SHB: variants seen among roughly 807,000 people sequenced by gnomAD.
The protein encoded by SHB is SH2 domain containing adaptor protein B, also known as SH2 domain-containing adapter protein B.
A neutral mutation model predicts 52.3 loss-of-function variants in SHB; 20 were observed. That is an observed-to-expected ratio of 0.38 (90% CI 0.27 to 0.56). SHB has a LOEUF of 0.56. SHB is among the 20% of genes least tolerant of loss of function. The pLI is 0.71. For missense variants in SHB, 825 were observed against 723.3 expected, an observed-to-expected ratio of 1.14 and a Z score of -1.61; for synonymous variants, 397 against 316.5, an observed-to-expected ratio of 1.25 and a Z score of -2.70.
At position 38,021,771 on chromosome 9, in the gene SHB, G is replaced by A. The variant is rs573309948; in HGVS notation, c.718-5640C>T. ...TATTGCCCCATGGTCACCTTCATGT[G>A]CCCTGCTGTCTGTGGGACAGCACAG... On this transcript the variant is annotated intron_variant, in intron 1 of 5. Transcript: ENST00000377707. Among the ~76,000 whole-genome samples, 88 of 152,204 alleles carry A rather than the reference G, an allele frequency of 5.8e-4. 2 individuals are homozygous for A. Among genetic ancestry groups the A allele is most frequent in the Admixed American group, 5.4e-3 (83 of 15,304 alleles).
At chr9:37,924,443 T>A (rs1353151536) in intron 5 of SHB, among the ~76,000 whole-genome samples, 3 of 152,230 alleles carry the variant, frequency 2.0e-5, no homozygotes, top group African/African-American at 7.2e-5. Context: ...CTTTTCATGA[T>A]GAAATGACTT....
intron 4 of SHB, among the ~76,000 whole-genome samples, chr9:37,949,133 C>T (rs1327260285): frequency 1.3e-5 from 2 of 152,136 alleles, no homozygotes; most frequent in Admixed American, 6.5e-5. Context: ...AGGTGGCTCA[C>T]GCCTGTAATC....
At chr9:38,040,436 C>G (rs1009646395) in intron 1 of SHB, among the ~76,000 whole-genome samples, 7 of 152,184 alleles carry the variant, frequency 4.6e-5, no homozygotes, top group African/African-American at 1.7e-4. Context: ...AGACATGTGT[C>G]GGCACCCATG....
chr9:38,020,190 T>C (rs1821264758), intron 1 of SHB, among the ~76,000 whole-genome samples: 1 of 152,246 alleles, frequency 6.6e-6, no homozygotes, highest in Non-Finnish European at 1.5e-5. Flanking sequence ...AACCTATTCA[T>C]GTACTATGTG....
At chr9:37,949,253 C>A (rs374320696) in intron 4 of SHB, among the ~76,000 whole-genome samples, 1 of 151,618 alleles carries the variant, frequency 6.6e-6, no homozygotes, top group Admixed American at 6.6e-5. Context: ...ATTAGCCGGG[C>A]GTGGTGGTGG....
chr9:38,044,662 T>C (rs1821626350), intron 1 of SHB, among the ~76,000 whole-genome samples: 1 of 152,208 alleles, frequency 6.6e-6, no homozygotes, highest in South Asian at 2.1e-4. Flanking sequence ...AAGCCTAAAA[T>C]GTAGAGTCTT....
intron 1 of SHB, among the ~76,000 whole-genome samples, chr9:38,051,936 C>T (rs1290805458): frequency 1.3e-5 from 2 of 152,156 alleles, no homozygotes; most frequent in African/African-American, 4.8e-5. Flanking sequence ...TACTGTTTTT[C>T]GAAGAGCTTC....
chr9:38,067,761 G>A (rs564743605), intron 1 of SHB, among the ~76,000 whole-genome samples, 168 bp downstream of exon 1: 21 of 152,330 alleles, frequency 1.4e-4, no homozygotes, highest in African/African-American at 4.8e-4. Flanking sequence ...GCCGGTCCCA[G>A]GAAAAGGGCG....
At chr9:38,010,176 C>G (rs1236056955) in intron 2 of SHB, among the ~76,000 whole-genome samples, 1 of 152,176 alleles carries the variant, frequency 6.6e-6, no homozygotes, top group Non-Finnish European at 1.5e-5. Context: ...TCAGTATTCT[C>G]CTCTGTAAAA....
intron 1 of SHB, among the ~76,000 whole-genome samples, chr9:38,048,406 C>A (rs1821687353): frequency 6.6e-6 from 1 of 152,142 alleles, no homozygotes; most frequent in Admixed American, 6.5e-5. Flanking sequence ...ACTTTGGGAA[C>A]TGAGGTGGGA....
chr9:38,030,464 C>T (rs1821399765), intron 1 of SHB, among the ~76,000 whole-genome samples: 1 of 152,186 alleles, frequency 6.6e-6, no homozygotes, highest in South Asian at 2.1e-4. Context: ...AGGAAATGCT[C>T]TAAGTCAGGC....
chr9:37,920,984 C>A (rs113152251), intron 5 of SHB, among the ~76,000 whole-genome samples: 36 of 152,286 alleles, frequency 2.4e-4, no homozygotes, highest in African/African-American at 7.0e-4. Context: ...ACAGTCCTCC[C>A]ACCAGCATTT....
chr9:37,961,491 C>T (rs1005416172), intron 3 of SHB, among the ~76,000 whole-genome samples: 1 of 152,190 alleles, frequency 6.6e-6, no homozygotes, highest in African/African-American at 2.4e-5. Flanking sequence ...AGACAAAGGA[C>T]AAATTCATTC....
At chr9:37,975,921 C>T (rs1004442845) in intron 2 of SHB, among the ~76,000 whole-genome samples, 1 of 152,140 alleles carries the variant, frequency 6.6e-6, no homozygotes, top group African/African-American at 2.4e-5. Flanking sequence ...AGAGGGGTGG[C>T]TTCCTGGTGG....
chr9:37,988,491 ATC>A (rs1488018077), intron 2 of SHB, among the ~76,000 whole-genome samples: 1 of 152,096 alleles, frequency 6.6e-6, no homozygotes, highest in East Asian at 1.9e-4. Flanking sequence ...AAGAGCACCC[ATC>A]CTACTAGCAT....
intron 1 of SHB, among the ~76,000 whole-genome samples, chr9:38,066,924 G>A (rs1821972852): frequency 6.6e-6 from 1 of 152,122 alleles, no homozygotes; most frequent in Non-Finnish European, 1.5e-5. Context: ...CAACAGCCAC[G>A]CACCAGGGCG....
intron 1 of SHB, among the ~76,000 whole-genome samples, chr9:38,043,782 G>A (rs1383920757): frequency 1.3e-5 from 2 of 152,172 alleles, no homozygotes; most frequent in Non-Finnish European, 2.9e-5. Flanking sequence ...CCAGCTACTT[G>A]GGAGGCTGAG....
At position 37,916,302 on chromosome 9, in the gene SHB, C is replaced by G. The variant is rs1832097495; in HGVS notation, c.*3519G>C. Among the ~76,000 whole-genome samples the G allele has an allele frequency of 6.6e-6, 1 of 152,248 alleles. No individual in the cohort carries two copies. Among genetic ancestry groups the G allele is most frequent in the Admixed American group, 6.5e-5 (1 of 15,292 alleles). ...TTCACGGGTGTCTGTGGGCCAACAC[C>G]AAACGCCAGCCTGCTCTGCTGGCAG... On this transcript the variant is annotated 3_prime_UTR_variant, in exon 6 of 6. Coordinates refer to ENST00000377707, the MANE Select transcript of SHB (RefSeq NM_003028.3).
intron 5 of SHB, among the ~76,000 whole-genome samples, chr9:37,945,483 G>T (rs561928448): frequency 7.2e-4 from 109 of 152,330 alleles, no homozygotes; most frequent in African/African-American, 2.4e-3. Flanking sequence ...TCAGCCATAG[G>T]ATGCCCAGCC....
Sources: allele counts gnomAD v4.1 joint callset (sites outside exome capture counted in the v4.1 genomes callset), GRCh38; gene constraint gnomAD v4.1.1; transcripts MANE v1.5; gene names NCBI Gene and HGNC (gene_info 2026-07-23, HGNC 2026-07-21).